The following BCL7A variants were observed in gnomAD, a reference collection of about 807,000 sequenced individuals.
BCL7A encodes the protein BAF chromatin remodeling complex subunit BCL7A, also known as B-cell CLL/lymphoma 7 protein family member A.
A neutral mutation model predicts 28.4 loss-of-function variants in BCL7A; 11 were observed. That is an observed-to-expected ratio of 0.39 (90% CI 0.24 to 0.64). The LOEUF (loss-of-function observed/expected upper bound fraction) is 0.64. Ranked by LOEUF, BCL7A falls within the 30% of genes least tolerant of loss-of-function variation. BCL7A has a pLI of 0.50. For synonymous variants in BCL7A, 123 were observed against 103.3 expected (o/e 1.19, Z -1.15); for missense variants, 222 against 274.8 (o/e 0.81, Z 1.36).
chr12:122,061,258 G>C lies in BCL7A; in HGVS notation c.*2095G>C. The C allele has an allele frequency of 4.3e-6, 1 of 231,170 alleles. No individual in the cohort carries two copies. Among genetic ancestry groups the C allele is most frequent in the East Asian group, 6.1e-5 (1 of 16,320 alleles). 14.3% of individuals were successfully genotyped at this position (231,170 alleles called of 1,614,324 possible). The stretch of plus-strand genomic sequence containing the variant: ...CACACACATCCACAGAAACAGAGAG[G>C]CGTAGGTGGCCCTGCCGTTGACCGC... On this transcript the variant is annotated 3_prime_UTR_variant, in exon 6 of 6. Coordinates refer to ENST00000261822, the MANE Select transcript of BCL7A (RefSeq NM_001024808.3).
chr12:122,038,862 A>C (rs1252331948), intron 3 of BCL7A, among the ~76,000 whole-genome samples: 2 of 152,102 alleles, frequency 1.3e-5, no homozygotes, highest in Middle Eastern at 3.2e-3. Flanking sequence ...TGAGGATTAA[A>C]TTAAATAATC....
At chr12:122,022,846 G>A (rs555297606) in intron 1 of BCL7A, among the ~76,000 whole-genome samples, 1 of 151,910 alleles carries the variant, frequency 6.6e-6, no homozygotes, top group Non-Finnish European at 1.5e-5. Flanking sequence ...AGCGCTGGGA[G>A]CCAGCGGCCA....
intron 4 of BCL7A, among the ~76,000 whole-genome samples, chr12:122,049,100 G>A (rs1231285348): frequency 6.8e-6 from 1 of 146,102 alleles, no homozygotes; most frequent in Non-Finnish European, 1.5e-5. Context: ...ATAGGCATGT[G>A]CCTGTAGTCC....
chr12:122,061,348 A>T lies in BCL7A; in HGVS notation c.*2185A>T. ...GACTCAGACGACGTCCACCGTCCCA[A>T]GGCTGTCACTAGTATTTCTCTGAAG... On this transcript the variant is annotated 3_prime_UTR_variant, in exon 6 of 6. Transcript: ENST00000261822. The T allele has an allele frequency of 4.3e-6, 1 of 231,138 alleles. No homozygotes were observed. The allele number at this position is 231,138 out of a possible 1,614,324, so 14.3% of individuals were successfully genotyped here.
rs548456589 is a variant in BCL7A at position 122,029,525 on chromosome 12, C to A, written c.93-1175C>A. On this transcript the variant is annotated intron_variant, in intron 1 of 5. Transcript: ENST00000261822. This position sits in a 1 kb window ranked among gnomAD's most constrained non-coding sequence, Gnocchi z 4.3. ...CTCGTGCCACACAGAATTCTCAGTT[C>A]TGGGAATTTTTGTCACCAAAATTGC... Among the ~76,000 whole-genome samples the A allele has an allele frequency of 6.6e-6, 1 of 152,180 alleles. No homozygotes were observed. Among genetic ancestry groups the A allele is most frequent in the African/African-American group, 2.4e-5 (1 of 41,432 alleles).
chr12:122,058,802 A>G (rs1462564215), intron 5 of BCL7A, among the ~76,000 whole-genome samples: 1 of 152,230 alleles, frequency 6.6e-6, no homozygotes, highest in African/African-American at 2.4e-5. Flanking sequence ...GGTCCAAGGC[A>G]GCAGTGTAGG....
intron 1 of BCL7A, among the ~76,000 whole-genome samples, chr12:122,025,455 T>C (rs1883603301): frequency 6.6e-6 from 1 of 151,284 alleles, no homozygotes; most frequent in Non-Finnish European, 1.5e-5. Flanking sequence ...AAACCCCGTC[T>C]CTACTAAAAA....
Position 122,059,699 on chromosome 12 carries a change from C to T in BCL7A, c.*536C>T, listed in dbSNP as rs1295448403. 7 of 232,796 alleles carry T rather than the reference C, an allele frequency of 3.0e-5. No homozygotes were observed. The highest frequency in any genetic ancestry group is 5.9e-5 in the Non-Finnish European group (7 of 117,940). The allele number at this position is 232,796 out of a possible 1,614,324, so 14.4% of individuals were successfully genotyped here. The stretch of plus-strand genomic sequence containing the variant: ...GGCTGCCACCCTACTCACCGCTCTC[C>T]TCCCTGCCCCAGGACTTCATCGGAG... On this transcript the variant is annotated 3_prime_UTR_variant, in exon 6 of 6. Transcript: ENST00000261822. The surrounding 1 kb of genome is among the most constrained non-coding windows in gnomAD (Gnocchi z 4.0).
At chr12:122,040,763 A>G (rs368484885) in intron 3 of BCL7A, among the ~76,000 whole-genome samples, 3 of 152,184 alleles carry the variant, frequency 2.0e-5, no homozygotes, top group African/African-American at 7.2e-5. Flanking sequence ...TTCAAGTGGG[A>G]GGATGGGTAC....
chr12:122,052,882 G>GA (rs1406734042), intron 4 of BCL7A, among the ~76,000 whole-genome samples: 3 of 94,532 alleles, frequency 3.2e-5, no homozygotes, highest in South Asian at 8.7e-4. Flanking sequence ...GGGGGGGGGG[G>GA]GTTTGCCATG....
intron 2 of BCL7A, among the ~76,000 whole-genome samples, chr12:122,033,347 C>G (rs983312043): frequency 1.3e-5 from 2 of 152,078 alleles, no homozygotes; most frequent in Admixed American, 1.3e-4. Flanking sequence ...CAGAGTCTCA[C>G]TCTGTTGCCA....
Position 122,030,799 on chromosome 12 carries a change from G to C in BCL7A, c.174+18G>C, listed in dbSNP as rs374614049. The stretch of plus-strand genomic sequence containing the variant: ...TTGATGACGTGAGTATGGAGGGCTG[G>C]TCCCCTGGGGTGGGCCACCCATTCG... On this transcript the variant is annotated intron_variant, in intron 2 of 5. Coordinates refer to ENST00000261822, the MANE Select transcript of BCL7A (RefSeq NM_001024808.3). 3.2e-5 allele frequency: 52 copies of C among 1,610,138 alleles called. No individual in the cohort carries two copies. In the African/African-American group the frequency reaches 6.7e-4, roughly 21 times the overall value.
chr12:122,057,271 G>C (rs930072429), intron 5 of BCL7A, among the ~76,000 whole-genome samples: 1 of 152,218 alleles, frequency 6.6e-6, no homozygotes, highest in African/African-American at 2.4e-5. Context: ...CTTGAAGAAC[G>C]AAAGAGAGGC....
At chr12:122,057,930 C>G (rs1037392405) in intron 5 of BCL7A, among the ~76,000 whole-genome samples, 2 of 152,068 alleles carry the variant, frequency 1.3e-5, no homozygotes, top group South Asian at 4.1e-4. Context: ...TGGCTCACAC[C>G]TGTAATCCAA....
chr12:122,039,986 C>T (rs191686543), intron 3 of BCL7A, among the ~76,000 whole-genome samples: 114 of 152,264 alleles, frequency 7.5e-4, no homozygotes, highest in Non-Finnish European at 1.3e-3. Flanking sequence ...AGGCATGATC[C>T]ACTGTGCCCA....
chr12:122,033,228 T>G (rs539636055), intron 2 of BCL7A, among the ~76,000 whole-genome samples: 1 of 151,964 alleles, frequency 6.6e-6, no homozygotes, highest in African/African-American at 2.4e-5. Context: ...CTCGACCTCC[T>G]GGGCTCAAGC....
chr12:122,031,783 C>G (rs1051313898), intron 2 of BCL7A, among the ~76,000 whole-genome samples: 1 of 152,174 alleles, frequency 6.6e-6, no homozygotes, highest in African/African-American at 2.4e-5. Flanking sequence ...CCGACTTCCA[C>G]CACTAGAGGG....
At chr12:122,023,551 A>G (rs982126797) in intron 1 of BCL7A, among the ~76,000 whole-genome samples, 7 of 152,304 alleles carry the variant, frequency 4.6e-5, no homozygotes, top group Non-Finnish European at 8.8e-5. Context: ...CCGGCCTCCT[A>G]TGGAAAGGGC....
chr12:122,030,300 C>G (rs545143359), intron 1 of BCL7A, among the ~76,000 whole-genome samples: 1 of 152,322 alleles, frequency 6.6e-6, no homozygotes, highest in African/African-American at 2.4e-5. Context: ...ACGACTCCAC[C>G]CCCCATGAGA....
Sources: gnomAD v4.1 joint callset for allele counts (sites outside exome capture counted in the v4.1 genomes callset) on GRCh38, gnomAD v4.1.1 for gene constraint, Gnocchi (gnomAD v3.1) non-coding constraint, MANE v1.5 for transcripts, NCBI Gene and HGNC (gene_info 2026-07-23, HGNC 2026-07-21) for gene names.